KHDRBS2: variants seen among roughly 807,000 people sequenced by gnomAD.
KHDRBS2 encodes the protein KH domain-containing, RNA-binding, signal transduction-associated protein 2.
KHDRBS2 carries 26 observed loss-of-function variants against 44.3 expected under a neutral mutation model. The observed-to-expected ratio is 0.59, with a 90% confidence interval of 0.43 to 0.81. The LOEUF is 0.81. KHDRBS2 is among the 40% of genes least tolerant of loss of function. The pLI is 0.00. For missense variants in KHDRBS2, 476 were observed against 433.1 expected, an observed-to-expected ratio of 1.10 and a Z score of -0.88; for synonymous variants, 194 against 151.1, an observed-to-expected ratio of 1.28 and a Z score of -2.08.
Position 62,114,928 on chromosome 6 carries a change from G to T in KHDRBS2, c.219+62257C>A, listed in dbSNP as rs150101309. Among the ~76,000 whole-genome samples, 85 of 151,958 alleles carry T rather than the reference G, an allele frequency of 5.6e-4. 1 individual carries two copies. In the East Asian group the frequency reaches 0.014, roughly 25 times the overall value. Reference sequence around the variant, plus strand: ...AAAACTCTCACTATTGAGAAAACATGGTATTTAATATTTAGTAAGTAATTT... The same window carrying T: ...AAAACTCTCACTATTGAGAAAACATTGTATTTAATATTTAGTAAGTAATTT... On this transcript the variant is annotated intron_variant, in intron 2 of 8. Transcript: ENST00000281156.
At chr6:61,774,211 T>C (rs1471865016) in intron 6 of KHDRBS2, among the ~76,000 whole-genome samples, 2 of 152,314 alleles carry the variant, frequency 1.3e-5, no homozygotes, top group Non-Finnish European at 2.9e-5. Context: ...GGGGATGGCA[T>C]TGAATCTATA....
intron 2 of KHDRBS2, among the ~76,000 whole-genome samples, chr6:62,119,005 T>C (rs561643899): frequency 1.3e-5 from 2 of 152,292 alleles, no homozygotes; most frequent in South Asian, 4.1e-4. Flanking sequence ...CCATCTATCC[T>C]ACTGGTTTTG....
the KHDRBS2 span, among the ~76,000 whole-genome samples, chr6:61,606,355 T>C: frequency 1.3e-5 from 2 of 152,146 alleles, no homozygotes; most frequent in Non-Finnish European, 2.9e-5. Context: ...AGAGTGGGTT[T>C]GGTTATCTTG....
the KHDRBS2 span, among the ~76,000 whole-genome samples, chr6:61,612,402 GA>G: frequency 6.6e-6 from 1 of 152,148 alleles, no homozygotes; most frequent in Non-Finnish European, 1.5e-5. Flanking sequence ...AATAAATATA[GA>G]CCTTATGGTC....
intron 1 of KHDRBS2, among the ~76,000 whole-genome samples, chr6:62,179,130 T>C (rs1305913727): frequency 6.6e-6 from 1 of 151,594 alleles, no homozygotes; most frequent in East Asian, 1.9e-4. Context: ...ATACTATTTA[T>C]TTGGGCTGTG....
chr6:62,272,672 C>T (rs6932700), intron 1 of KHDRBS2, among the ~76,000 whole-genome samples: 3,103 of 152,190 alleles, frequency 0.02, 101 homozygotes, highest in African/African-American at 0.071. Context: ...AAATCACATA[C>T]GCCAAAATGT....
At chr6:61,777,374 G>T (rs1782239771) in intron 6 of KHDRBS2, among the ~76,000 whole-genome samples, 1 of 152,180 alleles carries the variant, frequency 6.6e-6, no homozygotes, top group Middle Eastern at 3.4e-3. Flanking sequence ...TTGAATTAAG[G>T]AGGAAAACAG....
intron 6 of KHDRBS2, among the ~76,000 whole-genome samples, chr6:61,733,275 A>G (rs1774783581): frequency 6.6e-6 from 1 of 152,160 alleles, no homozygotes; most frequent in South Asian, 2.1e-4. Context: ...AGAGGGAACT[A>G]AAAAGGAAAG....
intron 2 of KHDRBS2, among the ~76,000 whole-genome samples, chr6:62,152,489 G>A (rs554070807): frequency 1.3e-5 from 2 of 152,236 alleles, no homozygotes; most frequent in African/African-American, 2.4e-5. Flanking sequence ...TTTTAGAGAA[G>A]GCATTGTTTT....
intron 2 of KHDRBS2, among the ~76,000 whole-genome samples, chr6:62,073,734 C>T (rs1202085487): frequency 1.3e-5 from 2 of 151,544 alleles, no homozygotes; most frequent in African/African-American, 4.8e-5. Context: ...TCCTGTTTCT[C>T]TTCATGAAAT....
intron 4 of KHDRBS2, among the ~76,000 whole-genome samples, chr6:61,903,759 A>T (rs1376524320): frequency 6.6e-6 from 1 of 152,134 alleles, no homozygotes; most frequent in African/African-American, 2.4e-5. Flanking sequence ...TTTTCTTCTT[A>T]CTGGAAACCC....
chr6:62,278,633 T>C (rs994139276), intron 1 of KHDRBS2, among the ~76,000 whole-genome samples: 6 of 152,158 alleles, frequency 3.9e-5, no homozygotes, highest in African/African-American at 1.4e-4. Flanking sequence ...GATGGGACAT[T>C]ACAGATAAAC....
chr6:61,855,449 G>A (rs1796011028), intron 6 of KHDRBS2, among the ~76,000 whole-genome samples: 1 of 150,268 alleles, frequency 6.7e-6, no homozygotes, highest in East Asian at 2.0e-4. Context: ...TGCCTCCTAG[G>A]TTTCTTTGAG....
chr6:61,717,367 A>G (rs1265750688), intron 7 of KHDRBS2, among the ~76,000 whole-genome samples: 5 of 152,056 alleles, frequency 3.3e-5, no homozygotes, highest in Non-Finnish European at 7.4e-5. Context: ...GAAAAAAAAC[A>G]GTGTTTATTG....
chr6:62,183,067 T>G (rs1477027246), intron 1 of KHDRBS2, among the ~76,000 whole-genome samples: 5 of 151,826 alleles, frequency 3.3e-5, no homozygotes, highest in South Asian at 2.1e-4. Context: ...TTATCGGACC[T>G]CAAAATAGAA....
At chr6:62,142,455 T>G (rs1394912378) in intron 2 of KHDRBS2, among the ~76,000 whole-genome samples, 1 of 152,080 alleles carries the variant, frequency 6.6e-6, no homozygotes, top group Non-Finnish European at 1.5e-5. Context: ...CATAACATGA[T>G]TAGCTCTTCT....
At chr6:61,743,730 A>G (rs1178964225) in intron 6 of KHDRBS2, among the ~76,000 whole-genome samples, 1 of 151,732 alleles carries the variant, frequency 6.6e-6, no homozygotes, top group Non-Finnish European at 1.5e-5. Context: ...TGCTGCACCC[A>G]TTAACTCGTC....
intron 2 of KHDRBS2, among the ~76,000 whole-genome samples, chr6:62,057,963 T>TAGTTTACCC (rs994749714): frequency 2.6e-5 from 4 of 151,964 alleles, no homozygotes; most frequent in African/African-American, 9.7e-5. Flanking sequence ...ATTTTTAACA[T>TAGTTTACCC]AGTTTACCCA....
chr6:61,973,018 C>T (rs1408665487), intron 4 of KHDRBS2, among the ~76,000 whole-genome samples: 1 of 152,148 alleles, frequency 6.6e-6, no homozygotes, highest in Admixed American at 6.5e-5. Flanking sequence ...TGGTGGCATG[C>T]ACCTGTAATC....
Sources: gnomAD v4.1 joint callset for allele counts (sites outside exome capture counted in the v4.1 genomes callset) on GRCh38, gnomAD v4.1.1 for gene constraint, MANE v1.5 for transcripts, NCBI Gene and HGNC (gene_info 2026-07-23, HGNC 2026-07-21) for gene names.